Variants in DOCK5 observed in about 807,000 individuals in gnomAD.
The protein encoded by DOCK5 is dedicator of cytokinesis protein 5.
Under a neutral mutation model 251.8 loss-of-function variants are expected in DOCK5, and 142 were observed. The observed-to-expected ratio is 0.56, with a 90% CI of 0.49 to 0.65. DOCK5 has a LOEUF of 0.65. DOCK5 is among the 30% of genes least tolerant of loss of function. DOCK5 has a pLI of 0.00. For missense variants in DOCK5, 2,111 were observed against 2,312.3 expected (o/e 0.91, Z 1.79); for synonymous variants, 842 against 835.5 (o/e 1.01, Z -0.13).
chr8:25,318,248 C>T (rs958907357), intron 14 of DOCK5, among the ~76,000 whole-genome samples: 74 of 61,808 alleles, frequency 1.2e-3, no homozygotes, highest in Non-Finnish European at 1.4e-3. Context: ...CCACCATGCT[C>T]GACTGATTTT....
At chr8:25,338,042 GGTTTTTTGTTTTT>G (rs1159170945) in intron 22 of DOCK5, among the ~76,000 whole-genome samples, 2 of 151,732 alleles carry the variant, frequency 1.3e-5, no homozygotes, top group Admixed American at 6.6e-5. Context: ...AGTTTTTTAG[GGTTTTTTGTTTTT>G]GTTTTTGAGA....
intron 2 of DOCK5, among the ~76,000 whole-genome samples, chr8:25,247,429 T>G (rs1803146568): frequency 1.3e-5 from 2 of 151,866 alleles, no homozygotes; most frequent in Admixed American, 6.6e-5. Flanking sequence ...AGACCTTGTC[T>G]CTACAAAAAA....
At chr8:25,403,911 C>A (rs2117340199) in intron 48 of DOCK5, among the ~76,000 whole-genome samples, 187 bp downstream of exon 48, 1 of 152,288 alleles carries the variant, frequency 6.6e-6, no homozygotes, top group South Asian at 2.1e-4. Flanking sequence ...ACAAAGAAAT[C>A]ACCCATAATC....
chr8:25,245,701 C>T (rs11990372), intron 2 of DOCK5, among the ~76,000 whole-genome samples: 21,290 of 151,832 alleles, frequency 0.14, 1,631 homozygotes, highest in Admixed American at 0.23. Context: ...CATCACACCT[C>T]GCTAATTTTT....
intron 3 of DOCK5, 106 bp from the exon 4 acceptor site, chr8:25,275,280 A>G (rs1227128766): frequency 9.4e-6 from 8 of 855,484 alleles, no homozygotes; most frequent in Non-Finnish European, 1.2e-5. Flanking sequence ...GAGTTTAGCT[A>G]TTGCCTGGGT....
At chr8:25,185,523 G>A (rs1039820552) in intron 1 of DOCK5, among the ~76,000 whole-genome samples, 1 of 152,186 alleles carries the variant, frequency 6.6e-6, no homozygotes. Flanking sequence ...GCGTGGAAGT[G>A]ATGGAAGGGA....
chr8:25,363,278 C>G, intron 29 of DOCK5, 137 bp downstream of exon 29: 1 of 715,132 alleles, frequency 1.4e-6, no homozygotes, highest in South Asian at 1.8e-5. Context: ...CTCCAGAGGT[C>G]CTAATTTATG....
At chr8:25,305,562 C>T (rs17053372) in intron 11 of DOCK5, among the ~76,000 whole-genome samples, 8,268 of 151,954 alleles carry the variant, frequency 0.054, 307 homozygotes, top group South Asian at 0.12. Flanking sequence ...AGAAAAAAAT[C>T]GATACAGTCT....
rs76643327 is a variant in DOCK5 at position 25,352,329 on chromosome 8, T to C, written c.2850+503T>C. On this transcript the variant is annotated intron_variant, in intron 27 of 51. Transcript: ENST00000276440. ...AGAAGAAAAGAGAAAAGAAAGAAAA[T>C]GATCCAGTATGAACCACCCAGCCCC... 2.7e-3 allele frequency among the ~76,000 whole-genome samples: 398 copies of C among 149,832 alleles called. 1 individual carries two copies. Among genetic ancestry groups the C allele is most frequent in the South Asian group, 0.011 (52 of 4,710 alleles).
chr8:25,406,052 G>A (rs1403242272), intron 48 of DOCK5, among the ~76,000 whole-genome samples: 11 of 152,062 alleles, frequency 7.2e-5, no homozygotes, highest in African/African-American at 2.2e-4. Flanking sequence ...TCCGCCTCCC[G>A]GGTTCACGCC....
intron 16 of DOCK5, among the ~76,000 whole-genome samples, chr8:25,322,603 T>C (rs567876047): frequency 6.6e-6 from 1 of 152,366 alleles, no homozygotes; most frequent in South Asian, 2.1e-4. Flanking sequence ...AGGTCAAGTT[T>C]GTATGAAGTA....
chr8:25,335,512 A>T (rs1316891102), intron 21 of DOCK5, among the ~76,000 whole-genome samples: 1 of 151,162 alleles, frequency 6.6e-6, no homozygotes, highest in East Asian at 1.9e-4. Flanking sequence ...AATAATAATT[A>T]TAAGTGACTA....
chr8:25,184,992 G>A (rs1218475527), intron 1 of DOCK5, 41 bp downstream of exon 1: 4 of 1,325,314 alleles, frequency 3.0e-6, no homozygotes, highest in Non-Finnish European at 3.9e-6. Flanking sequence ...GACCCACGCG[G>A]CCAAGTTCGC....
Position 25,403,731 on chromosome 8 carries a change from G to A in DOCK5, c.5093+7G>A, listed in dbSNP as rs775378223. The A allele has an allele frequency of 1.2e-6, 2 of 1,613,460 alleles. No individual in the cohort carries two copies. Among genetic ancestry groups the A allele is most frequent in the African/African-American group, 2.7e-5 (2 of 74,882 alleles). ...CCAGACCGGGATCTGATGGGTAAGGGTTTCATCTTTAATCTGCAGGAAGGG... is the reference window on the plus strand; with the variant it reads ...CCAGACCGGGATCTGATGGGTAAGGATTTCATCTTTAATCTGCAGGAAGGG... On this transcript the variant is annotated splice_region_variant and intron_variant, in intron 48 of 51. Coordinates refer to ENST00000276440, the MANE Select transcript of DOCK5 (RefSeq NM_024940.8).
At chr8:25,308,665 G>A in intron 11 of DOCK5, 118 bp from the exon 12 acceptor site, 1 of 1,007,962 alleles carries the variant, frequency 9.9e-7, no homozygotes. Flanking sequence ...AGAAAGATAG[G>A]GGTACTTAGT....
intron 2 of DOCK5, among the ~76,000 whole-genome samples, chr8:25,262,421 C>T (rs1803615319): frequency 6.6e-6 from 1 of 152,138 alleles, no homozygotes; most frequent in Non-Finnish European, 1.5e-5. Flanking sequence ...TCCTGTGTCC[C>T]TTTTCAGTCA....
intron 25 of DOCK5, among the ~76,000 whole-genome samples, chr8:25,344,792 G>A (rs1355155414): frequency 6.6e-6 from 1 of 152,184 alleles, no homozygotes; most frequent in African/African-American, 2.4e-5. Flanking sequence ...ATACAGAAAA[G>A]GTAATTGAGA....
chr8:25,251,502 C>G (rs114801132), intron 2 of DOCK5, among the ~76,000 whole-genome samples: 24 of 152,194 alleles, frequency 1.6e-4, no homozygotes, highest in Admixed American at 9.2e-4. Flanking sequence ...GCACTTTAAT[C>G]AAAAAATCTA....
intron 18 of DOCK5, among the ~76,000 whole-genome samples, chr8:25,331,795 TATATATAGAGAGAGAGAG>T (rs1286821619): frequency 8.2e-5 from 3 of 36,496 alleles, no homozygotes; most frequent in African/African-American, 1.9e-4. Flanking sequence ...TATATATATA[TATATATAGAGAGAGAGAG>T]AGAGAGAGAG....
Sources: gnomAD v4.1 joint callset for allele counts (sites outside exome capture counted in the v4.1 genomes callset) on GRCh38, gnomAD v4.1.1 for gene constraint, MANE v1.5 for transcripts, NCBI Gene and HGNC (gene_info 2026-07-23, HGNC 2026-07-21) for gene names.